The following HEG1 variants were observed in gnomAD, a reference collection of about 807,000 sequenced individuals.
HEG1 encodes the protein heart development protein with EGF like domains 1, also known as protein HEG homolog 1.
HEG1 carries 56 observed loss-of-function variants against 125.6 expected under a neutral mutation model. The ratio of observed to expected loss-of-function variants is 0.45; its 90% CI spans 0.36 to 0.56. The LOEUF (loss-of-function observed/expected upper bound fraction) is 0.56. Among genes scored for constraint, HEG1 ranks in the 20% least tolerant of loss-of-function variants. The pLI, the probability that HEG1 is intolerant of heterozygous loss-of-function variation, is 0.00. For synonymous variants in HEG1, 644 were observed against 668.5 expected, an observed-to-expected ratio of 0.96 and a Z score of 0.57; for missense variants, 1,523 against 1,670.0, an observed-to-expected ratio of 0.91 and a Z score of 1.53.
intron 14 of HEG1, among the ~76,000 whole-genome samples, chr3:124,983,618 A>T (rs1380832961): frequency 6.6e-6 from 1 of 151,768 alleles, no homozygotes; most frequent in Non-Finnish European, 1.5e-5. Flanking sequence ...TACAGGTGTG[A>T]GCCACCGCAC....
intron 1 of HEG1, 85 bp downstream of exon 1, chr3:125,055,490 G>C (rs1937913173): frequency 1.1e-6 from 1 of 932,964 alleles, no homozygotes; most frequent in South Asian, 5.3e-5. Context: ...CGCGCGGAGG[G>C]GCCTACGGCT....
At chr3:125,015,221 C>T (rs1937227231) in intron 5 of HEG1, among the ~76,000 whole-genome samples, 1 of 152,190 alleles carries the variant, frequency 6.6e-6, no homozygotes, top group African/African-American at 2.4e-5. Context: ...TTCAGGCACC[C>T]TGGATTTATA....
At chr3:125,041,919 C>T (rs1030284237) in intron 1 of HEG1, among the ~76,000 whole-genome samples, 8 of 151,934 alleles carry the variant, frequency 5.3e-5, no homozygotes, top group South Asian at 2.1e-4. Flanking sequence ...AGACAGAAAG[C>T]GGAATAAAGG....
chr3:124,977,969 A>G (rs1296234028), intron 14 of HEG1, 23 bp from the exon 15 acceptor site: 1 of 1,430,190 alleles, frequency 7.0e-7, no homozygotes, highest in Admixed American at 2.0e-5. Flanking sequence ...CAAACAAAAA[A>G]GCATATTGGC....
intron 16 of HEG1, 27 bp downstream of exon 16, chr3:124,973,704 G>A (rs1936485134): frequency 1.9e-6 from 3 of 1,582,222 alleles, no homozygotes; most frequent in South Asian, 2.3e-5. Context: ...GGGGGCCCTG[G>A]GGTCATCCTG....
chr3:125,006,442 CAAAT>C (rs2107697961), intron 8 of HEG1, among the ~76,000 whole-genome samples: 1 of 152,252 alleles, frequency 6.6e-6, no homozygotes, highest in African/African-American at 2.4e-5. Context: ...GGATGGAAAA[CAAAT>C]AACTCAAGAC....
At chr3:125,047,732 A>G (rs1450858265) in intron 1 of HEG1, among the ~76,000 whole-genome samples, 5 of 152,164 alleles carry the variant, frequency 3.3e-5, no homozygotes, top group Admixed American at 3.3e-4. Flanking sequence ...ATTCTAGCCC[A>G]ACATATGATA....
intron 1 of HEG1, among the ~76,000 whole-genome samples, chr3:125,053,033 A>C (rs3936058): frequency 0.065 from 9,934 of 152,258 alleles, 635 homozygotes; most frequent in African/African-American, 0.16. Context: ...GGCCTGCAGG[A>C]AGCTTCTCCA....
intron 15 of HEG1, 57 bp from the exon 16 acceptor site, chr3:124,973,962 A>G: frequency 2.6e-6 from 3 of 1,168,340 alleles, no homozygotes; most frequent in Non-Finnish European, 2.5e-6. Context: ...GATACTGTGA[A>G]AGCACCAACT....
In HEG1 at chr3:125,055,954, A is replaced by AGCGGGCAGCGGGCG. The variant is rs1560039683; in HGVS notation, c.-65_-64insCGCCCGCTGCCCGC. The AGCGGGCAGCGGGCG allele has an allele frequency of 1.2e-6, 1 of 861,540 alleles. No individual in the cohort carries two copies. Among genetic ancestry groups the AGCGGGCAGCGGGCG allele is most frequent in the Non-Finnish European group, 1.4e-6 (1 of 719,810 alleles). The allele number at this position is 861,540 out of a possible 1,614,324, so 53.4% of individuals were successfully genotyped here. ...GGGGCGAGGGCAGCGGGCAGCGGGC[A>AGCGGGCAGCGGGCG]GCGGGCGGCGGGGGCCGCGCGGGGC... is the stretch of plus-strand genomic sequence containing the variant. On this transcript the variant is annotated 5_prime_UTR_variant, in exon 1 of 17. Transcript: ENST00000311127.
At chr3:124,987,609 G>GC (rs1203094779) in intron 14 of HEG1, among the ~76,000 whole-genome samples, 7 of 133,212 alleles carry the variant, frequency 5.3e-5, no homozygotes, top group Non-Finnish European at 3.1e-5. Context: ...TGCAAGCTCC[G>GC]CCCCCCCAGG....
chr3:125,026,535 T>A (rs1937416868), intron 3 of HEG1, among the ~76,000 whole-genome samples: 1 of 152,122 alleles, frequency 6.6e-6, no homozygotes, highest in Non-Finnish European at 1.5e-5. Context: ...AACTCCTGCA[T>A]TATATCTGCT....
At chr3:124,988,526 C>T (rs936731384) in intron 14 of HEG1, among the ~76,000 whole-genome samples, 10 of 152,142 alleles carry the variant, frequency 6.6e-5, no homozygotes, top group East Asian at 1.9e-4. Context: ...AGTGAAGGGC[C>T]GTGCTCACAT....
chr3:125,007,355 TTTG>T (rs1937087915), intron 8 of HEG1, among the ~76,000 whole-genome samples: 1 of 152,100 alleles, frequency 6.6e-6, no homozygotes, highest in Non-Finnish European at 1.5e-5. Context: ...GGCAGAGTTT[TTTG>T]TTGTTTTTTT....
At position 124,968,154 on chromosome 3, in the gene HEG1, G is replaced by A. The variant is rs1936352108; in HGVS notation, c.*2498C>T. On this transcript the variant is annotated 3_prime_UTR_variant, in exon 17 of 17. Coordinates refer to ENST00000311127, the MANE Select transcript of HEG1 (RefSeq NM_020733.2). ...TGACATGGAGCACTGTGTCTGGGCGGAGAGCCTCGGCGTGCCAGGTGTGCA... is the reference window on the plus strand; with the variant it reads ...TGACATGGAGCACTGTGTCTGGGCGAAGAGCCTCGGCGTGCCAGGTGTGCA... 6.6e-6 allele frequency: 1 copy of A among 152,540 alleles called. No homozygotes were observed. 9.4% of individuals were successfully genotyped at this position (152,540 alleles called of 1,614,324 possible).
At position 125,012,915 on chromosome 3, in the gene HEG1, T is replaced by A. The variant is rs766308389; in HGVS notation, c.2664A>T (p.Ile888=). 14 of 1,613,928 alleles carry A rather than the reference T, an allele frequency of 8.7e-6. No individual in the cohort carries two copies. Among genetic ancestry groups the A allele is most frequent in the African/African-American group, 6.7e-5 (5 of 74,942 alleles). ...CTTCTGTTGAGATTTGAGGAACTAGTATTTCAGGATGGGTCAGCGAGAGCT... is the reference window on the plus strand; with the variant it reads ...CTTCTGTTGAGATTTGAGGAACTAGAATTTCAGGATGGGTCAGCGAGAGCT... ...GKQLSLTHPE[I]LVPQISTEGG... is the part of the protein sequence containing the mutation. The change falls in exon 6 of 17, where the codon ATA becomes ATT. Residue 888 remains isoleucine, a synonymous_variant. Transcript: ENST00000311127.
At chr3:124,978,768 T>C (rs1936594343) in intron 14 of HEG1, among the ~76,000 whole-genome samples, 1 of 150,464 alleles carries the variant, frequency 6.6e-6, no homozygotes, top group Non-Finnish European at 1.5e-5. Flanking sequence ...ACCACTGCAC[T>C]CCAGCCTGGG....
intron 14 of HEG1, among the ~76,000 whole-genome samples, chr3:124,986,390 C>CTGA (rs1470174395): frequency 2.6e-5 from 4 of 152,050 alleles, no homozygotes; most frequent in African/African-American, 9.7e-5. Context: ...CAGTCAGAGC[C>CTGA]CTGCTATTTG....
rs562795021 is a variant in HEG1, at chr3:124,967,280, T to C, written c.*3372A>G. Reference sequence around the variant, plus strand: ...GGCAAGCAGCTCTCAGATGGATGTGTATGTCTGACTGCACTTGTCAGAAAC... The same window carrying C: ...GGCAAGCAGCTCTCAGATGGATGTGCATGTCTGACTGCACTTGTCAGAAAC... On this transcript the variant is annotated 3_prime_UTR_variant, in exon 17 of 17. Coordinates refer to ENST00000311127, the MANE Select transcript of HEG1 (RefSeq NM_020733.2). The C allele has an allele frequency of 1.3e-5, 2 of 152,182 alleles. No homozygotes were observed. Among genetic ancestry groups the C allele is most frequent in the Non-Finnish European group, 2.9e-5 (2 of 68,038 alleles). 9.4% of individuals were successfully genotyped at this position (152,182 alleles called of 1,614,324 possible).
Sources: allele counts gnomAD v4.1 joint callset (sites outside exome capture counted in the v4.1 genomes callset), GRCh38; gene constraint gnomAD v4.1.1; transcripts MANE v1.5; gene names NCBI Gene and HGNC (gene_info 2026-07-23, HGNC 2026-07-21).